WWOX: variants seen among roughly 807,000 people sequenced by gnomAD.
WWOX encodes the protein WW domain containing oxidoreductase.
WWOX carries 69 observed loss-of-function variants against 46.2 expected under a neutral mutation model. The observed-to-expected ratio is 1.49, with a 90% confidence interval of 1.23 to 1.82. The LOEUF (loss-of-function observed/expected upper bound fraction) is 1.82. Ranked by LOEUF, WWOX falls within the 40% of genes most tolerant of loss-of-function variation. WWOX has a pLI of 0.00. For missense variants in WWOX, 919 were observed against 542.6 expected (o/e 1.69, Z -6.89); for synonymous variants, 359 against 202.6 (o/e 1.77, Z -6.56).
chr16:78,871,172 TG>T (rs143080920), intron 8 of WWOX, among the ~76,000 whole-genome samples: 6 of 141,650 alleles, frequency 4.2e-5, no homozygotes, highest in Non-Finnish European at 9.1e-5. Context: ...TCGTGAAGGT[TG>T]TTTTTTTTTT....
At chr16:78,551,137 ATATTCCATGAAACAAATATCATGAATT>A (rs1407772661) in intron 8 of WWOX, 2 of 152,232 alleles carry the variant, frequency 1.3e-5, no homozygotes, top group African/African-American at 2.4e-5. Context: ...GATATCCAGT[ATATTCCATGAAACAAATATCATGAATT>A]TATTCCATGA....
At chr16:78,497,342 T>G (rs2084942413) in intron 8 of WWOX, among the ~76,000 whole-genome samples, 1 of 152,174 alleles carries the variant, frequency 6.6e-6, no homozygotes, top group South Asian at 2.1e-4. Flanking sequence ...GACTTAAACA[T>G]AAGATCTGAC....
intron 6 of WWOX, among the ~76,000 whole-genome samples, chr16:78,403,866 G>A (rs1329878713): frequency 6.6e-6 from 1 of 152,150 alleles, no homozygotes; most frequent in South Asian, 2.1e-4. Context: ...GTGTTTGAAG[G>A]CTGCATGGAC....
At chr16:78,775,238 G>T (rs746612657) in intron 8 of WWOX, among the ~76,000 whole-genome samples, 1 of 152,192 alleles carries the variant, frequency 6.6e-6, no homozygotes, top group Admixed American at 6.5e-5. Flanking sequence ...TATTCAGCCC[G>T]GCCAATAATA....
intron 8 of WWOX, among the ~76,000 whole-genome samples, chr16:78,587,682 G>C (rs1464283638): frequency 6.6e-6 from 1 of 152,134 alleles, no homozygotes; most frequent in Non-Finnish European, 1.5e-5. Flanking sequence ...AAGTGACCCA[G>C]ATAGGGAGGT....
At chr16:79,172,794 G>C (rs189719906) in intron 8 of WWOX, among the ~76,000 whole-genome samples, 1 of 151,994 alleles carries the variant, frequency 6.6e-6, no homozygotes, top group East Asian at 1.9e-4. Context: ...GGGAGGCCAA[G>C]ATGAGAGGAT....
At chr16:78,813,599 G>C (rs558404287) in intron 8 of WWOX, among the ~76,000 whole-genome samples, 4 of 152,218 alleles carry the variant, frequency 2.6e-5, no homozygotes, top group South Asian at 2.1e-4. Flanking sequence ...GCATGTGTGA[G>C]CTCCTGTGTG....
At chr16:78,560,721 A>G (rs1327656643) in intron 8 of WWOX, among the ~76,000 whole-genome samples, 6 of 152,318 alleles carry the variant, frequency 3.9e-5, no homozygotes, top group African/African-American at 7.2e-5. Flanking sequence ...GTTCTTAAGC[A>G]ATTAAAAAAA....
chr16:78,419,625 C>CAAAAAAAAAAAAAAA (rs60762734), intron 6 of WWOX, among the ~76,000 whole-genome samples: 178 of 44,278 alleles, frequency 4.0e-3, no homozygotes, highest in Middle Eastern at 0.036. Flanking sequence ...CAAAAAATAG[C>CAAAAAAAAAAAAAAA]AAAAAAAAAA....
At chr16:78,587,216 T>TTTTG (rs2045230607) in intron 8 of WWOX, among the ~76,000 whole-genome samples, 8 of 134,986 alleles carry the variant, frequency 5.9e-5, no homozygotes, top group African/African-American at 2.4e-4. Context: ...TTTTTTTTTT[T>TTTTG]GTAGAAACAG....
intron 8 of WWOX, among the ~76,000 whole-genome samples, chr16:78,472,734 G>T (rs759734983): frequency 2.7e-5 from 4 of 149,808 alleles, no homozygotes; most frequent in Non-Finnish European, 4.4e-5. Context: ...GCTTGAACCC[G>T]GGAAGTGGAG....
intron 5 of WWOX, among the ~76,000 whole-genome samples, chr16:78,380,847 G>A (rs1000847042): frequency 3.7e-4 from 57 of 152,228 alleles, no homozygotes; most frequent in African/African-American, 1.3e-3. Flanking sequence ...TTATTAATAT[G>A]CATTATTATT....
At chr16:79,007,838 C>G (rs1294499696) in intron 8 of WWOX, among the ~76,000 whole-genome samples, 2 of 152,166 alleles carry the variant, frequency 1.3e-5, no homozygotes, top group Non-Finnish European at 1.5e-5. Context: ...AACCTCTGCC[C>G]TTTATTAGTC....
rs545884880 is a variant in WWOX, at chr16:78,687,566, T to C, written c.1056+254814T>C. Among the ~76,000 whole-genome samples, 10 of 150,778 alleles carry C rather than the reference T, an allele frequency of 6.6e-5. No homozygotes were observed. The South Asian group carries it at 1.3e-3, about 19-fold the overall frequency. ...TCGGAATACGCAGACATATACTTTATGAGGTTGGGTAATGAAGAGAGAGAG... is the reference window on the plus strand; with the variant it reads ...TCGGAATACGCAGACATATACTTTACGAGGTTGGGTAATGAAGAGAGAGAG... On this transcript the variant is annotated intron_variant, in intron 8 of 8. Transcript: ENST00000566780.
At chr16:78,265,614 G>A (rs1030158745) in intron 5 of WWOX, among the ~76,000 whole-genome samples, 27 of 151,200 alleles carry the variant, frequency 1.8e-4, no homozygotes, top group Non-Finnish European at 3.2e-4. Flanking sequence ...GGAGGCGGAG[G>A]TTGCAGTCAG....
intron 8 of WWOX, among the ~76,000 whole-genome samples, chr16:78,775,310 T>C (rs551946099): frequency 6.6e-6 from 1 of 152,314 alleles, no homozygotes. Context: ...TTCACAGCAA[T>C]GCCTTTGAGA....
Position 78,849,256 on chromosome 16 carries a change from G to A in WWOX, c.1057-362352G>A, listed in dbSNP as rs549322515. Among the ~76,000 whole-genome samples, 26 of 152,238 alleles carry A rather than the reference G, an allele frequency of 1.7e-4. No individual in the cohort carries two copies. In the South Asian group the frequency reaches 4.4e-3, roughly 26 times the overall value. ...AGAGTCACTCATTCCTAGAAATTGC[G>A]AAGTCACGAAGTTGTCAAAAAACAC... On this transcript the variant is annotated intron_variant, in intron 8 of 8. Coordinates refer to ENST00000566780, the MANE Select transcript of WWOX (RefSeq NM_016373.4).
chr16:78,600,818 A>T (rs1409347815), intron 8 of WWOX, among the ~76,000 whole-genome samples: 1 of 152,186 alleles, frequency 6.6e-6, no homozygotes, highest in East Asian at 1.9e-4. Flanking sequence ...TCGGATGTCT[A>T]GAATGGACTC....
chr16:79,078,403 G>C (rs1398117319), intron 8 of WWOX, among the ~76,000 whole-genome samples: 1 of 152,104 alleles, frequency 6.6e-6, no homozygotes. Flanking sequence ...GATTCTCATG[G>C]CTCGGGAAGG....
Sources: allele counts gnomAD v4.1 joint callset (sites outside exome capture counted in the v4.1 genomes callset), GRCh38; gene constraint gnomAD v4.1.1; transcripts MANE v1.5; gene names NCBI Gene and HGNC (gene_info 2026-07-23, HGNC 2026-07-21).